Variants in VPS35L observed in about 807,000 individuals in gnomAD.
VPS35L encodes the protein VPS35 endosomal protein-sorting factor-like.
VPS35L carries 83 observed loss-of-function variants against 133.0 expected under a neutral mutation model. That is an observed-to-expected ratio of 0.62 (90% CI 0.52 to 0.75). The LOEUF (loss-of-function observed/expected upper bound fraction) is 0.75. VPS35L is among the 30% of genes least tolerant of loss of function. The probability of loss-of-function intolerance (pLI) is 0.00; values close to 1 mark genes in which losing one functional copy is unlikely to be tolerated. For missense variants in VPS35L, 1,083 were observed against 1,206.8 expected, an observed-to-expected ratio of 0.90 and a Z score of 1.52; for synonymous variants, 423 against 449.9, an observed-to-expected ratio of 0.94 and a Z score of 0.76.
chr16:19,595,667 C>T (rs1972190908), intron 8 of VPS35L, among the ~76,000 whole-genome samples: 2 of 152,186 alleles, frequency 1.3e-5, no homozygotes, highest in African/African-American at 4.8e-5. Context: ...TGCAAGAACT[C>T]TGGGCAGCCA....
At chr16:19,611,944 CT>C (rs1213608306) in intron 12 of VPS35L, 311 of 143,882 alleles carry the variant, frequency 2.2e-3, no homozygotes, top group Middle Eastern at 0.011. Context: ...TTTCTTTTTC[CT>C]TTTTTTTTTT....
chr16:19,698,717 G>C (rs1976005333), intron 29 of VPS35L, among the ~76,000 whole-genome samples: 1 of 152,156 alleles, frequency 6.6e-6, no homozygotes, highest in Admixed American at 6.5e-5. Flanking sequence ...CACTGATGTT[G>C]TGCAGATGTG....
At chr16:19,675,656 T>C (rs183045463) in intron 27 of VPS35L, among the ~76,000 whole-genome samples, 3 of 152,268 alleles carry the variant, frequency 2.0e-5, no homozygotes, top group African/African-American at 7.2e-5. Flanking sequence ...TTCAAGTGAT[T>C]TTCCTGCCTC....
intron 1 of VPS35L, among the ~76,000 whole-genome samples, chr16:19,557,872 T>C (rs1369833382): frequency 2.0e-5 from 3 of 151,912 alleles, no homozygotes; most frequent in Non-Finnish European, 4.4e-5. Flanking sequence ...CCCAACGTGG[T>C]GAAAGCCCGT....
At chr16:19,608,126 C>G (rs753478991) in intron 9 of VPS35L, 52 bp from the exon 10 acceptor site, 9 of 1,399,038 alleles carry the variant, frequency 6.4e-6, no homozygotes, top group Non-Finnish European at 9.1e-6. Flanking sequence ...CAGGGACTCA[C>G]ACAGATCCTG....
chr16:19,574,087 G>T (rs1277396197), intron 4 of VPS35L, among the ~76,000 whole-genome samples: 1 of 152,132 alleles, frequency 6.6e-6, no homozygotes, highest in Non-Finnish European at 1.5e-5. Flanking sequence ...ATGCCTGTGT[G>T]AGTTAGGACT....
intron 1 of VPS35L, among the ~76,000 whole-genome samples, chr16:19,558,783 C>T (rs1042737315): frequency 6.6e-6 from 1 of 151,670 alleles, no homozygotes; most frequent in South Asian, 2.1e-4. Flanking sequence ...ATTCCTCAGG[C>T]GTGGTGACGG....
intron 27 of VPS35L, among the ~76,000 whole-genome samples, chr16:19,671,336 G>A (rs767643022): frequency 1.3e-5 from 2 of 151,670 alleles, no homozygotes; most frequent in African/African-American, 2.4e-5. Flanking sequence ...GGGCATGGTG[G>A]TGGGCACCTG....
At chr16:19,610,438 C>G in intron 12 of VPS35L, 23 bp downstream of exon 12, 1 of 1,591,238 alleles carries the variant, frequency 6.3e-7, no homozygotes, top group Middle Eastern at 1.7e-4. Flanking sequence ...AGTCACTGCC[C>G]TTGACGGCAC....
In VPS35L at chr16:19,700,600, ATTGTT is replaced by A. The variant is rs1165261165; in HGVS notation, c.*127_*131del. The A allele has an allele frequency of 6.2e-6, 5 of 800,868 alleles. No individual in the cohort carries two copies. The highest frequency in any genetic ancestry group is 1.0e-5 in the Non-Finnish European group (5 of 497,350). 49.6% of individuals were successfully genotyped at this position (800,868 alleles called of 1,614,324 possible). A position where few individuals can be genotyped will look rare whatever the true frequency, so the allele number is the denominator to read the frequency against. ...TTCTTTTCTTTTTACATATGTACAA[ATTGTT>A]TTAAGCTTTGGCCTCTATCCAGGTT... is the stretch of plus-strand genomic sequence containing the variant. On this transcript the variant is annotated 3_prime_UTR_variant, in exon 31 of 31. Coordinates refer to ENST00000417362, the MANE Select transcript of VPS35L (RefSeq NM_020314.7).
chr16:19,622,438 G>A (rs552545608), intron 14 of VPS35L, among the ~76,000 whole-genome samples: 9 of 152,048 alleles, frequency 5.9e-5, no homozygotes, highest in African/African-American at 1.4e-4. Context: ...CACTGTGCCC[G>A]GCCCCCACGT....
rs1440182688 is a variant in VPS35L at position 19,640,120 on chromosome 16, G to T, written c.1784+20G>T. 3.1e-6 allele frequency: 5 copies of T among 1,604,440 alleles called. No individual in the cohort carries two copies. Among genetic ancestry groups the T allele is most frequent in the Non-Finnish European group, 4.3e-6 (5 of 1,172,254 alleles). Reference sequence around the variant, plus strand: ...TATCAAGTGAGTGCCACTGCGTGCAGCAGAAGCCTTGATTCCCAATGTCCT... The same window carrying T: ...TATCAAGTGAGTGCCACTGCGTGCATCAGAAGCCTTGATTCCCAATGTCCT... On this transcript the variant is annotated intron_variant, in intron 21 of 30. Coordinates refer to ENST00000417362, the MANE Select transcript of VPS35L (RefSeq NM_020314.7).
intron 9 of VPS35L, among the ~76,000 whole-genome samples, chr16:19,605,362 A>G (rs996290071): frequency 6.6e-6 from 1 of 152,336 alleles, no homozygotes; most frequent in East Asian, 1.9e-4. Context: ...AGGAGTCCCC[A>G]TGTAGCAGCC....
Position 19,578,468 on chromosome 16 carries a change from C to T in VPS35L, c.434-584C>T, listed in dbSNP as rs73531936. On this transcript the variant is annotated intron_variant, in intron 5 of 30. Coordinates refer to ENST00000417362, the MANE Select transcript of VPS35L (RefSeq NM_020314.7). ...GAGGGCAGCAGTCAGCTAGATGCAT[C>T]GCCCTGCCTTGTGGCTGGCCTGTGG... The T allele has an allele frequency of 2.9e-3, 1,061 of 369,160 alleles. 11 individuals are homozygous for T. The highest frequency in any genetic ancestry group is 0.02 in the African/African-American group (936 of 47,004). The allele number at this position is 369,160 out of a possible 1,614,324, so 22.9% of individuals were successfully genotyped here. A position where few individuals can be genotyped will look rare whatever the true frequency, so the allele number is the denominator to read the frequency against.
chr16:19,653,985 T>C (rs909107219), intron 26 of VPS35L, among the ~76,000 whole-genome samples: 1 of 152,140 alleles, frequency 6.6e-6, no homozygotes, highest in Non-Finnish European at 1.5e-5. Context: ...CCTGCCCACC[T>C]CCATCCTCAA....
chr16:19,627,308 C>T (rs1973298280), intron 15 of VPS35L, among the ~76,000 whole-genome samples: 1 of 151,438 alleles, frequency 6.6e-6, no homozygotes, highest in Non-Finnish European at 1.5e-5. Flanking sequence ...AAAACCAAAA[C>T]TCTTGCATAA....
chr16:19,568,306 C>CCT (rs1467923321), intron 2 of VPS35L, among the ~76,000 whole-genome samples: 109 of 145,026 alleles, frequency 7.5e-4, no homozygotes, highest in African/African-American at 2.6e-3. Flanking sequence ...CCGCCCCCCC[C>CCT]TTTTTTTTTT....
At chr16:19,648,209 C>G (rs1974013599) in intron 24 of VPS35L, among the ~76,000 whole-genome samples, 1 of 152,146 alleles carries the variant, frequency 6.6e-6, no homozygotes, top group African/African-American at 2.4e-5. Context: ...CAGCATTCCT[C>G]CTGCCTTGGC....
At chr16:19,558,386 G>T (rs1299325425) in intron 1 of VPS35L, among the ~76,000 whole-genome samples, 2 of 152,248 alleles carry the variant, frequency 1.3e-5, no homozygotes, top group Non-Finnish European at 2.9e-5. Context: ...TTGGAAGCCA[G>T]AGGCTATGAT....
Sources: allele counts gnomAD v4.1 joint callset (sites outside exome capture counted in the v4.1 genomes callset), GRCh38; gene constraint gnomAD v4.1.1; transcripts MANE v1.5; gene names NCBI Gene and HGNC (gene_info 2026-07-23, HGNC 2026-07-21).